Variants in IL26 observed in about 807,000 individuals in gnomAD.
IL26 encodes interleukin 26.
A neutral mutation model predicts 21.7 loss-of-function variants in IL26; 23 were observed. The ratio of observed to expected loss-of-function variants is 1.06; its 90% CI spans 0.76 to 1.50. IL26 has a LOEUF of 1.50. IL26 is among the 40% of genes most tolerant of loss of function. IL26 has a pLI of 0.00. For missense variants in IL26, 204 were observed against 196.0 expected, an observed-to-expected ratio of 1.04 and a Z score of -0.24; for synonymous variants, 63 against 67.8, an observed-to-expected ratio of 0.93 and a Z score of 0.34.
chr12:68,205,423 A>G (rs1592894623), intron 3 of IL26, among the ~76,000 whole-genome samples: 2 of 152,276 alleles, frequency 1.3e-5, no homozygotes, highest in Admixed American at 1.3e-4. Flanking sequence ...TGAGATAGAT[A>G]GATAGATTGT....
In IL26 at chr12:68,210,784, T is replaced by TA. The variant is rs1868706679; in HGVS notation, c.364-8702_364-8701insT. ...AACCATAGAAAAAAATTAGAAAGAGTTTTTTTAATACTTTAAATACAAATA... is the reference window on the plus strand; with the variant it reads ...AACCATAGAAAAAAATTAGAAAGAGTATTTTTTAATACTTTAAATACAAATA... On this transcript the variant is annotated intron_variant, in intron 3 of 4. Transcript: ENST00000229134. 2.0e-5 allele frequency among the ~76,000 whole-genome samples: 3 copies of TA among 152,070 alleles called. No individual in the cohort carries two copies. In the South Asian group the frequency reaches 6.2e-4, roughly 32 times the overall value.
chr12:68,203,665 A>T (rs906315930), intron 3 of IL26, among the ~76,000 whole-genome samples: 1 of 152,206 alleles, frequency 6.6e-6, no homozygotes, highest in Admixed American at 6.5e-5. Context: ...AAATGATAAC[A>T]TCTATCAAAA....
intron 3 of IL26, among the ~76,000 whole-genome samples, chr12:68,218,767 C>T (rs1204928360): frequency 6.6e-6 from 1 of 151,928 alleles, no homozygotes; most frequent in African/African-American, 2.4e-5. Context: ...AAAACTACAT[C>T]AATTCACATC....
rs562960387 is a variant in IL26, at chr12:68,206,584, G to A, written c.364-4501C>T. ...TACAATGGAAAGACTGGCAGCTGGT[G>A]TTTATCTCTTCCCTTCAAGGCTCAG... On this transcript the variant is annotated intron_variant, in intron 3 of 4. Transcript: ENST00000229134. Among the ~76,000 whole-genome samples, 8 of 152,312 alleles carry A rather than the reference G, an allele frequency of 5.3e-5. No individual in the cohort carries two copies. In the South Asian group the frequency reaches 1.5e-3, roughly 28 times the overall value.
chr12:68,217,964 G>C (rs1868937263), intron 3 of IL26, among the ~76,000 whole-genome samples: 1 of 152,126 alleles, frequency 6.6e-6, no homozygotes, highest in Non-Finnish European at 1.5e-5. Flanking sequence ...AGGAAATATG[G>C]TAGAGTTTAC....
Position 68,201,850 on chromosome 12 carries a change from G to C in IL26, c.511C>G (p.Gln171Glu). 2 of 1,586,258 alleles carry C rather than the reference G, an allele frequency of 1.3e-6. No homozygotes were observed. The highest frequency in any genetic ancestry group is 8.6e-7 in the Non-Finnish European group (1 of 1,169,250). ...SWIKKLLESS[Q>E] ...TCAATGTACTTGGCTTTGGTTTACT[G>C]ACTGCTTTCCAATAATTTTTTAATC... is the stretch of plus-strand genomic sequence containing the variant. The change falls in exon 5 of 5, where the codon CAG becomes GAG. Residue 171 changes from glutamine to glutamate, a missense_variant. Transcript: ENST00000229134.
chr12:68,216,567 C>A (rs192394692), intron 3 of IL26, among the ~76,000 whole-genome samples: 366 of 152,276 alleles, frequency 2.4e-3, no homozygotes, highest in African/African-American at 8.6e-3. Context: ...GACTTTGCAG[C>A]TGATAAAAGA....
At chr12:68,223,847 C>T in intron 3 of IL26, among the ~76,000 whole-genome samples, 1 of 139,540 alleles carries the variant, frequency 7.2e-6, no homozygotes, top group African/African-American at 2.7e-5. Flanking sequence ...ATAACAAACA[C>T]AAACTAAGCA....
chr12:68,223,410 C>G (rs946408893), intron 3 of IL26, among the ~76,000 whole-genome samples: 1 of 152,164 alleles, frequency 6.6e-6, no homozygotes, highest in Non-Finnish European at 1.5e-5. Flanking sequence ...AGAAACAAAC[C>G]AAGAAAAACC....
At position 68,225,146 on chromosome 12, in the gene IL26, T is replaced by C. The variant is rs1451626234; in HGVS notation, c.363+3A>G. ...ATGCACAGTATTTGTTGTGTATACT[T>C]ACACAGTGGCTCAATTTCTGCCTAA... On this transcript the variant is annotated splice_donor_region_variant and intron_variant, in intron 3 of 4. Coordinates refer to ENST00000229134, the MANE Select transcript of IL26 (RefSeq NM_018402.2). The C allele has an allele frequency of 6.2e-7, 1 of 1,607,838 alleles. No homozygotes were observed. The highest frequency in any genetic ancestry group is 8.5e-7 in the Non-Finnish European group (1 of 1,178,006).
At chr12:68,202,312 G>A (rs1868411680) in intron 3 of IL26, among the ~76,000 whole-genome samples, 1 of 152,208 alleles carries the variant, frequency 6.6e-6, no homozygotes, top group African/African-American at 2.4e-5. Context: ...TTAAAGCTGT[G>A]TTAGCAACTC....
At chr12:68,224,285 TTTTTG>T (rs60633848) in intron 3 of IL26, among the ~76,000 whole-genome samples, 56,268 of 147,922 alleles carry the variant, frequency 0.38, 12,030 homozygotes, top group African/African-American at 0.55. Context: ...TGGCTCAGTG[TTTTTG>T]TTTTGTTTTG....
rs76404631 is a variant in IL26, at chr12:68,209,976, A to G, written c.364-7893T>C. Among the ~76,000 whole-genome samples, 1,309 of 152,232 alleles carry G rather than the reference A, an allele frequency of 8.6e-3. 47 individuals are homozygous for G. Among genetic ancestry groups the G allele is most frequent in the East Asian group, 0.065 (338 of 5,178 alleles). The stretch of plus-strand genomic sequence containing the variant: ...AAGACCTTCATTTTTATAGACCTCA[A>G]TATACAACTTCAGACTGGATCATAA... On this transcript the variant is annotated intron_variant, in intron 3 of 4. Coordinates refer to ENST00000229134, the MANE Select transcript of IL26 (RefSeq NM_018402.2).
At chr12:68,218,237 GA>G (rs11570929) in intron 3 of IL26, among the ~76,000 whole-genome samples, 110,819 of 151,876 alleles carry the variant, frequency 0.73, 41,017 homozygotes, top group African/African-American at 0.86. Context: ...CATAACGAGG[GA>G]AAAAAATCAA....
chr12:68,213,710 G>C (rs532797160), intron 3 of IL26, among the ~76,000 whole-genome samples: 1 of 151,728 alleles, frequency 6.6e-6, no homozygotes, highest in African/African-American at 2.4e-5. Context: ...TATTTCTGTG[G>C]CATCAGTTGT....
intron 3 of IL26, among the ~76,000 whole-genome samples, chr12:68,206,064 G>A (rs1868533630): frequency 6.6e-6 from 1 of 152,122 alleles, no homozygotes; most frequent in African/African-American, 2.4e-5. Flanking sequence ...TTTTGCCATA[G>A]ACACAATCTA....
chr12:68,217,154 T>TTATTA (rs1868908096), intron 3 of IL26, among the ~76,000 whole-genome samples: 1 of 152,172 alleles, frequency 6.6e-6, no homozygotes, highest in East Asian at 1.9e-4. Flanking sequence ...AAAATATATT[T>TTATTA]TATTAGGTGC....
At chr12:68,217,336 A>C (rs1304893556) in intron 3 of IL26, among the ~76,000 whole-genome samples, 2 of 152,214 alleles carry the variant, frequency 1.3e-5, no homozygotes, top group East Asian at 3.8e-4. Context: ...ACCTTAGAGA[A>C]ATCAGATAAG....
intron 3 of IL26, among the ~76,000 whole-genome samples, chr12:68,211,137 C>T (rs558923941): frequency 6.6e-6 from 1 of 152,314 alleles, no homozygotes; most frequent in East Asian, 1.9e-4. Context: ...TCACTGTCTT[C>T]ATGAGATCCA....
Sources: gnomAD v4.1 joint callset for allele counts (sites outside exome capture counted in the v4.1 genomes callset) on GRCh38, gnomAD v4.1.1 for gene constraint, MANE v1.5 for transcripts, NCBI Gene and HGNC (gene_info 2026-07-23, HGNC 2026-07-21) for gene names.